PALLD: variants seen among roughly 807,000 people sequenced by gnomAD.
PALLD encodes the protein palladin.
A neutral mutation model predicts 123.5 loss-of-function variants in PALLD; 61 were observed. That is an observed-to-expected ratio of 0.49 (90% confidence interval 0.40 to 0.61). PALLD has a LOEUF of 0.61. Among genes scored for constraint, PALLD ranks in the 20% least tolerant of loss-of-function variants. The pLI is 0.00. For missense variants in PALLD, 1,273 were observed against 1,377.0 expected, an observed-to-expected ratio of 0.92 and a Z score of 1.20; for synonymous variants, 465 against 496.4, an observed-to-expected ratio of 0.94 and a Z score of 0.84.
Position 168,913,948 on chromosome 4 carries a change from C to T in PALLD, c.2644C>T (p.Arg882Trp), listed in dbSNP as rs758884211. The change falls in exon 16 of 22, where the codon CGG (arginine) becomes TGG (tryptophan). Residue 882 changes from arginine (R) to tryptophan (W), a missense_variant. This residue lies in a region of PALLD where 329 missense variants were observed against 422.5 expected (regional missense o/e 0.78). Transcript: ENST00000505667. ...ACAGGGCCGCATCAGTTGTACTGGA[C>T]GGCTAATGGTACAGGCTGTCAACCA... ...NPQGRISCTG[R>W]LMVQAVNQRG... 3.7e-6 allele frequency: 6 copies of T among 1,611,674 alleles called. No individual in the cohort carries two copies. Among genetic ancestry groups the T allele is most frequent in the African/African-American group, 1.3e-5 (1 of 74,886 alleles).
At chr4:168,652,634 C>A (rs538129280) in intron 2 of PALLD, among the ~76,000 whole-genome samples, 1 of 152,002 alleles carries the variant, frequency 6.6e-6, no homozygotes, top group Non-Finnish European at 1.5e-5. Flanking sequence ...AAGGAAGTTA[C>A]GAATGAATAT....
In PALLD at chr4:168,777,567, G is replaced by A. The variant is rs901977198; in HGVS notation, c.1964+65644G>A. Among the ~76,000 whole-genome samples, 4 of 152,320 alleles carry A rather than the reference G, an allele frequency of 2.6e-5. No homozygotes were observed. In the East Asian group the frequency reaches 7.7e-4, roughly 29 times the overall value. On this transcript the variant is annotated intron_variant, in intron 10 of 21. Coordinates refer to ENST00000505667, the MANE Select transcript of PALLD (RefSeq NM_001166108.2). ...TAGACTCAGAATATCAGTAGCAGCA[G>A]GGACTGTGGCAACCCAAGGCCACAA...
intron 10 of PALLD, among the ~76,000 whole-genome samples, chr4:168,747,601 T>C (rs1181258014): frequency 1.3e-5 from 2 of 152,170 alleles, no homozygotes; most frequent in Non-Finnish European, 2.9e-5. Context: ...GGAAATTTAA[T>C]TGTTTGTAGA....
At chr4:168,856,140 C>T (rs767689581) in intron 10 of PALLD, among the ~76,000 whole-genome samples, 2 of 152,172 alleles carry the variant, frequency 1.3e-5, no homozygotes, top group Non-Finnish European at 2.9e-5. Flanking sequence ...ATAATGGCCT[C>T]GAGCTGCATC....
intron 2 of PALLD, among the ~76,000 whole-genome samples, chr4:168,565,452 T>G (rs1768279652): frequency 6.6e-6 from 1 of 152,024 alleles, no homozygotes; most frequent in African/African-American, 2.4e-5. Flanking sequence ...AAGGAAGGTG[T>G]TCCAGACCAA....
rs764828330 is a variant in PALLD, at chr4:168,511,912, C to A, written c.408C>A (p.Ser136Arg). 8 of 1,614,206 alleles carry A rather than the reference C, an allele frequency of 5.0e-6. No homozygotes were observed. The highest frequency in any genetic ancestry group is 5.1e-6 in the Non-Finnish European group (6 of 1,180,040). Residue 136 changes from serine to arginine, a missense_variant, in exon 2 of 22, where the codon AGC becomes AGA. By Grantham distance (110) the Ser-to-Arg change is moderately radical (BLOSUM62 -1). Around this residue, in one of 2 missense-constraint regions of PALLD, gnomAD observed 944 missense variants for 954.5 expected, o/e 0.99. Transcript: ENST00000505667. The part of the protein sequence containing the change: ...PLLTRPSYIR[S>R]LRKAEKRGAK... ...TCACCAGGCCCAGCTACATCCGGAG[C>A]CTCCGAAAGGCTGAAAAGCGTGGTG...
chr4:168,753,191 A>G (rs921771959), intron 10 of PALLD, among the ~76,000 whole-genome samples: 2 of 152,178 alleles, frequency 1.3e-5, no homozygotes, highest in African/African-American at 2.4e-5. Flanking sequence ...CTTAATATCA[A>G]TAAACTAATC....
intron 10 of PALLD, among the ~76,000 whole-genome samples, chr4:168,868,160 G>C (rs1359858074): frequency 6.6e-6 from 1 of 152,136 alleles, no homozygotes. Context: ...GAAAGGCCCT[G>C]CTTGGCCTGG....
intron 14 of PALLD, among the ~76,000 whole-genome samples, chr4:168,902,142 A>C (rs915321715): frequency 6.6e-6 from 1 of 152,190 alleles, no homozygotes; most frequent in African/African-American, 2.4e-5. Context: ...TTTCAGATTC[A>C]AATACTTTGA....
At chr4:168,780,029 G>C (rs1047514990) in intron 10 of PALLD, among the ~76,000 whole-genome samples, 1 of 151,940 alleles carries the variant, frequency 6.6e-6, no homozygotes, top group Non-Finnish European at 1.5e-5. Flanking sequence ...CTCCCGAGTA[G>C]CTGGGATTAC....
chr4:168,908,818 AAGC>A (rs1482155666), intron 15 of PALLD, among the ~76,000 whole-genome samples: 3 of 152,186 alleles, frequency 2.0e-5, no homozygotes, highest in Non-Finnish European at 4.4e-5. Context: ...TAATTACAGA[AAGC>A]AGCCAAGAGA....
chr4:168,587,412 T>C (rs1279001054), intron 2 of PALLD, among the ~76,000 whole-genome samples: 1 of 152,164 alleles, frequency 6.6e-6, no homozygotes, highest in East Asian at 1.9e-4. Flanking sequence ...GGGAACTGTT[T>C]ATGTCATTCA....
intron 2 of PALLD, among the ~76,000 whole-genome samples, chr4:168,655,041 C>T (rs1022071322): frequency 2.6e-5 from 4 of 152,058 alleles, no homozygotes; most frequent in Non-Finnish European, 5.9e-5. Context: ...AAAATGAAGA[C>T]ATTCACAATT....
At chr4:168,781,082 A>G (rs1735853156) in intron 10 of PALLD, among the ~76,000 whole-genome samples, 2 of 152,214 alleles carry the variant, frequency 1.3e-5, no homozygotes, top group Admixed American at 6.5e-5. Context: ...ACTTCCCTGA[A>G]AAAAAGAGCC....
intron 2 of PALLD, among the ~76,000 whole-genome samples, chr4:168,633,457 A>G (rs1776032785): frequency 6.6e-6 from 1 of 152,264 alleles, no homozygotes; most frequent in Non-Finnish European, 1.5e-5. Flanking sequence ...TGAAAAGATC[A>G]TAACTAGTAG....
At chr4:168,613,461 T>G (rs1773928272) in intron 2 of PALLD, among the ~76,000 whole-genome samples, 1 of 152,236 alleles carries the variant, frequency 6.6e-6, no homozygotes, top group East Asian at 1.9e-4. Flanking sequence ...CCACATCATC[T>G]TCTCCTCATC....
rs534970045 is a variant in PALLD, at chr4:168,890,592, C to A, written c.1965-330C>A. On this transcript the variant is annotated intron_variant, in intron 10 of 21. Coordinates refer to ENST00000505667, the MANE Select transcript of PALLD (RefSeq NM_001166108.2). ...ATACGAGATAGAGTCAGATTTTAAACCTAGCTCTACTTATAAATCATATCA... is the reference window on the plus strand; with the variant it reads ...ATACGAGATAGAGTCAGATTTTAAAACTAGCTCTACTTATAAATCATATCA... Among the ~76,000 whole-genome samples the A allele has an allele frequency of 9.2e-4, 140 of 152,142 alleles. 1 individual carries two copies. Among genetic ancestry groups the A allele is most frequent in the African/African-American group, 3.3e-3 (135 of 41,492 alleles).
intron 10 of PALLD, among the ~76,000 whole-genome samples, chr4:168,777,657 G>A (rs72701835): frequency 0.15 from 22,816 of 152,058 alleles, 2,101 homozygotes; most frequent in Non-Finnish European, 0.21. Flanking sequence ...AGAGCATACT[G>A]GTTTGTTTTG....
chr4:168,664,195 G>C (rs912549922), intron 2 of PALLD, among the ~76,000 whole-genome samples: 2 of 152,148 alleles, frequency 1.3e-5, no homozygotes, highest in African/African-American at 4.8e-5. Context: ...TGAATATGTT[G>C]CAGAATGCTT....
Sources: allele counts gnomAD v4.1 joint callset (sites outside exome capture counted in the v4.1 genomes callset), GRCh38; gene constraint gnomAD v4.1.1; regional missense constraint gnomAD v4.1.1; transcripts MANE v1.5; gene names NCBI Gene and HGNC (gene_info 2026-07-23, HGNC 2026-07-21).